The following MACROD2 variants were observed in gnomAD, a reference collection of about 807,000 sequenced individuals.
MACROD2 encodes ADP-ribose glycohydrolase MACROD2.
Under a neutral mutation model 70.4 loss-of-function variants are expected in MACROD2, and 36 were observed. That is an observed-to-expected ratio of 0.51 (90% confidence interval 0.39 to 0.68). The LOEUF (loss-of-function observed/expected upper bound fraction) is 0.68. Among genes scored for constraint, MACROD2 ranks in the 30% least tolerant of loss-of-function variants. The probability of loss-of-function intolerance (pLI) is 0.00; values close to 1 mark genes in which losing one functional copy is unlikely to be tolerated. For synonymous variants in MACROD2, 172 were observed against 178.8 expected, an observed-to-expected ratio of 0.96 and a Z score of 0.30; for missense variants, 496 against 538.4, an observed-to-expected ratio of 0.92 and a Z score of 0.78.
At chr20:15,958,373 C>A (rs1288156233) in intron 12 of MACROD2, among the ~76,000 whole-genome samples, 1 of 152,178 alleles carries the variant, frequency 6.6e-6, no homozygotes, top group East Asian at 1.9e-4. Context: ...TTAGCCAACA[C>A]CCTACCAGTT....
rs190473171 is a variant in MACROD2, at chr20:14,068,438, G to C, written c.164-17183G>C. ...ATACAGGAAACAAAAAGTTCAGCCA[G>C]AATACGAACTCCTCATTCTAGTAGA... On this transcript the variant is annotated intron_variant, in intron 2 of 17. Coordinates refer to ENST00000684519, the MANE Select transcript of MACROD2 (RefSeq NM_001351661.2). Among the ~76,000 whole-genome samples, 110 of 152,242 alleles carry C rather than the reference G, an allele frequency of 7.2e-4. 1 individual carries two copies. The highest frequency in any genetic ancestry group is 2.6e-3 in the African/African-American group (107 of 41,526).
At chr20:15,850,791 T>G (rs1274063996) in intron 8 of MACROD2, among the ~76,000 whole-genome samples, 1 of 152,150 alleles carries the variant, frequency 6.6e-6, no homozygotes, top group African/African-American at 2.4e-5. Context: ...CAATGGTCAG[T>G]GTCGGATGGG....
chr20:15,124,261 G>A (rs2076050653), intron 5 of MACROD2, among the ~76,000 whole-genome samples: 1 of 150,756 alleles, frequency 6.6e-6, no homozygotes, highest in African/African-American at 2.4e-5. Context: ...TGGAGTGTGA[G>A]ATTTTATACT....
chr20:14,688,336 T>C (rs2071025833), intron 5 of MACROD2, among the ~76,000 whole-genome samples: 1 of 152,230 alleles, frequency 6.6e-6, no homozygotes, highest in Non-Finnish European at 1.5e-5. Flanking sequence ...TTGCCTCTTT[T>C]ATGCTTGCTA....
intron 8 of MACROD2, among the ~76,000 whole-genome samples, chr20:15,673,666 A>AT (rs1272780624): frequency 1.3e-5 from 2 of 152,080 alleles, no homozygotes; most frequent in East Asian, 1.9e-4. Flanking sequence ...TAGGCCAGAT[A>AT]TTTTTTGAAG....
intron 3 of MACROD2, among the ~76,000 whole-genome samples, chr20:14,190,976 G>T (rs2081383349): frequency 6.6e-6 from 1 of 151,666 alleles, no homozygotes. Flanking sequence ...CAAAGTTCTG[G>T]GATTACAGGC....
intron 15 of MACROD2, among the ~76,000 whole-genome samples, chr20:15,992,145 T>A (rs1568692153): frequency 6.6e-6 from 1 of 152,170 alleles, no homozygotes; most frequent in Non-Finnish European, 1.5e-5. Context: ...TATATGCATG[T>A]GTATATGCGT....
chr20:14,919,730 G>T (rs1385414993), intron 5 of MACROD2, among the ~76,000 whole-genome samples: 1 of 152,170 alleles, frequency 6.6e-6, no homozygotes, highest in African/African-American at 2.4e-5. Flanking sequence ...AGGAAATCAA[G>T]TTGAACAACA....
At chr20:14,962,798 A>G (rs142741651) in intron 5 of MACROD2, among the ~76,000 whole-genome samples, 1 of 149,288 alleles carries the variant, frequency 6.7e-6, no homozygotes, top group African/African-American at 2.5e-5. Flanking sequence ...TCGTCTGTCC[A>G]CTTTCCTCTC....
At chr20:14,667,737 G>A (rs1266378171) in intron 4 of MACROD2, among the ~76,000 whole-genome samples, 2 of 152,142 alleles carry the variant, frequency 1.3e-5, no homozygotes, top group East Asian at 3.9e-4. Context: ...TCTCTTCTAT[G>A]CACTTGAAGA....
chr20:14,229,177 A>G (rs149506369), intron 3 of MACROD2, among the ~76,000 whole-genome samples: 391 of 152,316 alleles, frequency 2.6e-3, no homozygotes, highest in Non-Finnish European at 4.4e-3. Flanking sequence ...AGCTTCTTTT[A>G]GATACAACAC....
At chr20:16,020,569 G>A (rs2066987660) in intron 15 of MACROD2, among the ~76,000 whole-genome samples, 1 of 150,508 alleles carries the variant, frequency 6.6e-6, no homozygotes, top group Non-Finnish European at 1.5e-5. Flanking sequence ...CTCAGCGAAT[G>A]TCTGCTACGT....
chr20:15,200,608 CA>C (rs2076647624), intron 5 of MACROD2, among the ~76,000 whole-genome samples: 1 of 152,156 alleles, frequency 6.6e-6, no homozygotes, highest in African/African-American at 2.4e-5. Flanking sequence ...TGCTAGCAAT[CA>C]TTACAGTTTA....
chr20:15,469,864 T>C lies in MACROD2; in HGVS notation c.572-29910T>C, dbSNP rs539748260. On this transcript the variant is annotated intron_variant, in intron 7 of 17. Transcript: ENST00000684519. ...AAGGTTTTCTTTTTTTAACTTATTTTACCCTCATAATGATATGAGGTCTCT... is the reference window on the plus strand; with the variant it reads ...AAGGTTTTCTTTTTTTAACTTATTTCACCCTCATAATGATATGAGGTCTCT... 5.9e-5 allele frequency among the ~76,000 whole-genome samples: 9 copies of C among 152,288 alleles called. No individual in the cohort carries two copies. In the East Asian group the frequency reaches 1.7e-3, roughly 29 times the overall value.
chr20:15,805,250 A>G (rs2063758576), intron 8 of MACROD2, among the ~76,000 whole-genome samples: 1 of 152,146 alleles, frequency 6.6e-6, no homozygotes, highest in Admixed American at 6.5e-5. Context: ...AGAATGGGCA[A>G]TGATGTAGAA....
At chr20:14,238,745 C>G (rs1460817422) in intron 3 of MACROD2, among the ~76,000 whole-genome samples, 1 of 152,146 alleles carries the variant, frequency 6.6e-6, no homozygotes, top group East Asian at 1.9e-4. Flanking sequence ...CAGCAGCCTT[C>G]TGACCAGGCC....
intron 8 of MACROD2, among the ~76,000 whole-genome samples, chr20:15,527,315 A>G (rs778900151): frequency 9.8e-5 from 15 of 152,336 alleles, no homozygotes; most frequent in East Asian, 1.9e-4. Flanking sequence ...AGTTAATGGT[A>G]TTCAACTATC....
intron 3 of MACROD2, among the ~76,000 whole-genome samples, chr20:14,428,247 T>A (rs983465475): frequency 2.6e-5 from 4 of 152,130 alleles, no homozygotes; most frequent in Non-Finnish European, 1.5e-5. Context: ...TCAAGATATA[T>A]GCCTATTAAA....
chr20:15,043,778 G>A (rs954742706), intron 5 of MACROD2, among the ~76,000 whole-genome samples: 20 of 152,086 alleles, frequency 1.3e-4, no homozygotes, highest in African/African-American at 4.8e-4. Flanking sequence ...CTGATCAGAG[G>A]TTCCCACGAC....
Sources: allele counts gnomAD v4.1 joint callset (sites outside exome capture counted in the v4.1 genomes callset), GRCh38; gene constraint gnomAD v4.1.1; transcripts MANE v1.5; gene names NCBI Gene and HGNC (gene_info 2026-07-23, HGNC 2026-07-21).